Variants in MN1 observed in about 807,000 individuals in gnomAD.
The protein encoded by MN1 is MN1 proto-oncogene, transcriptional regulator.
Under a neutral mutation model 86.9 loss-of-function variants are expected in MN1, and 19 were observed. That is an observed-to-expected ratio of 0.22 (90% CI 0.15 to 0.32). The LOEUF (loss-of-function observed/expected upper bound fraction) is 0.32. Ranked by LOEUF, MN1 falls within the 10% of genes least tolerant of loss-of-function variation. The pLI is 1.00. For synonymous variants in MN1, 928 were observed against 849.6 expected, an observed-to-expected ratio of 1.09 and a Z score of -1.60; for missense variants, 1,841 against 1,862.0, an observed-to-expected ratio of 0.99 and a Z score of 0.21.
chr22:27,757,477 T>C (rs927766576), intron 1 of MN1, among the ~76,000 whole-genome samples: 7 of 152,192 alleles, frequency 4.6e-5, no homozygotes, highest in African/African-American at 1.7e-4. Flanking sequence ...AGGCAGAGCT[T>C]GAGAATGAGA....
At position 27,748,545 on chromosome 22, in the gene MN1, C is replaced by T. The variant is rs1007848560; in HGVS notation, c.*2370G>A. On this transcript the variant is annotated 3_prime_UTR_variant, in exon 2 of 2. Coordinates refer to ENST00000302326, the MANE Select transcript of MN1 (RefSeq NM_002430.3). ...TATTTTACATGTGCAATAACATTTT[C>T]GTTTTCTTTCCCAAAGAGTTTGCTA... The T allele has an allele frequency of 7.4e-5, 15 of 204,034 alleles. No individual in the cohort carries two copies. Among genetic ancestry groups the T allele is most frequent in the East Asian group, 2.3e-4 (3 of 13,296 alleles). 12.6% of individuals were successfully genotyped at this position (204,034 alleles called of 1,614,324 possible). A position where few individuals can be genotyped will look rare whatever the true frequency, so the allele number is the denominator to read the frequency against.
chr22:27,761,398 T>C (rs1161856379), intron 1 of MN1, among the ~76,000 whole-genome samples: 2 of 147,348 alleles, frequency 1.4e-5, no homozygotes, highest in Admixed American at 6.8e-5. Flanking sequence ...CTCTCTCTCT[T>C]TCTCTCTCTC....
Position 27,799,059 on chromosome 22 carries a change from G to T in MN1, c.1485C>A (p.Pro495=), listed in dbSNP as rs1447245018. Reference sequence around the variant, plus strand: ...CGGGCACAGGCGGTGTGAACTCGCCGGGTAGGCCTGGGTAGGCGGAAGGGG... The same window carrying T: ...CGGGCACAGGCGGTGTGAACTCGCCTGGTAGGCCTGGGTAGGCGGAAGGGG... ...HLSPSAYPGL[P]GEFTPPVPDS... is the part of the protein sequence containing the mutation. The change falls in exon 1 of 2, where the codon CCC becomes CCA. Residue 495 remains proline, a synonymous_variant. Transcript: ENST00000302326. 1.1e-5 allele frequency: 17 copies of T among 1,609,576 alleles called. No individual in the cohort carries two copies. Among genetic ancestry groups the T allele is most frequent in the Non-Finnish European group, 1.4e-5 (17 of 1,177,378 alleles).
At chr22:27,782,330 C>T (rs1183589491) in intron 1 of MN1, among the ~76,000 whole-genome samples, 2 of 152,204 alleles carry the variant, frequency 1.3e-5, no homozygotes, top group Non-Finnish European at 2.9e-5. Context: ...CCCGGCCCCG[C>T]CCTATGACAT....
In MN1 at chr22:27,798,945, TTGC is replaced by T. The variant is rs34890218; in HGVS notation, c.1596_1598del (p.Gln550del). On this transcript the variant is annotated inframe_deletion, in exon 1 of 2. Transcript: ENST00000302326. ...GCTGTTGCTGCTGCTGCTGCTGCTG[TTGC>T]TGCTGCTGCTGCTGCTGCTGCTGCT... 4,521 of 1,434,740 alleles carry T rather than the reference TTGC, an allele frequency of 3.2e-3. 30 individuals are homozygous for T. The African/African-American group carries it at 0.036, about 12-fold the overall frequency. 88.9% of individuals were successfully genotyped at this position (1,434,740 alleles called of 1,614,324 possible).
chr22:27,780,936 T>C (rs928097917), intron 1 of MN1, among the ~76,000 whole-genome samples: 15 of 151,470 alleles, frequency 9.9e-5, no homozygotes, highest in African/African-American at 3.6e-4. Flanking sequence ...TTTTGAGTAT[T>C]TTTTTTTTCT....
At chr22:27,781,233 G>C (rs1319460999) in intron 1 of MN1, among the ~76,000 whole-genome samples, 1 of 152,142 alleles carries the variant, frequency 6.6e-6, no homozygotes, top group Non-Finnish European at 1.5e-5. Context: ...GCCCAGCCCT[G>C]AGTATTATTT....
intron 1 of MN1, among the ~76,000 whole-genome samples, chr22:27,771,724 A>C (rs1376250047): frequency 1.3e-5 from 2 of 152,224 alleles, no homozygotes; most frequent in Non-Finnish European, 2.9e-5. Flanking sequence ...ACTTTATGGC[A>C]TGCAGAATCC....
Position 27,800,282 on chromosome 22 carries a change from C to T in MN1, c.262G>A (p.Val88Met), listed in dbSNP as rs1362464693. 4 of 1,580,656 alleles carry T rather than the reference C, an allele frequency of 2.5e-6. No individual in the cohort carries two copies. The highest frequency in any genetic ancestry group is 3.4e-6 in the Non-Finnish European group (4 of 1,163,800). Residue 88 changes from valine (V) to methionine (M), a missense_variant, in exon 1 of 2, where the codon GTG (valine) becomes ATG (methionine). Transcript: ENST00000302326. ...LHAGGLQAQP[V>M]HGFFGGQQPH... is the part of the protein sequence containing the mutation. ...TGCTGGCCGCCAAAGAAGCCGTGCACAGGCTGCGCTTGCAGCCCCCCTGCG... is the reference window on the plus strand; with the variant it reads ...TGCTGGCCGCCAAAGAAGCCGTGCATAGGCTGCGCTTGCAGCCCCCCTGCG...
Position 27,762,756 on chromosome 22 carries a change from G to A in MN1, c.3782-11660C>T, listed in dbSNP as rs191225664. 2.7e-3 allele frequency among the ~76,000 whole-genome samples: 405 copies of A among 151,984 alleles called. 1 individual carries two copies. Among genetic ancestry groups the A allele is most frequent in the African/African-American group, 9.2e-3 (383 of 41,438 alleles). ...CTCCTAGCACTCTGCCTGGCAAGTGGTAAGTCATTCAACAAATAATGATTT... is the reference window on the plus strand; with the variant it reads ...CTCCTAGCACTCTGCCTGGCAAGTGATAAGTCATTCAACAAATAATGATTT... On this transcript the variant is annotated intron_variant, in intron 1 of 1. Coordinates refer to ENST00000302326, the MANE Select transcript of MN1 (RefSeq NM_002430.3).
At chr22:27,769,495 T>C (rs1932896423) in intron 1 of MN1, among the ~76,000 whole-genome samples, 1 of 150,660 alleles carries the variant, frequency 6.6e-6, no homozygotes, top group Non-Finnish European at 1.5e-5. Context: ...GGAAATGCAG[T>C]GACTGAGGAT....
At chr22:27,790,789 C>T (rs1018904105) in intron 1 of MN1, among the ~76,000 whole-genome samples, 8 of 152,140 alleles carry the variant, frequency 5.3e-5, no homozygotes, top group African/African-American at 1.2e-4. Context: ...CCTCCACGTA[C>T]GCTCACGCAC....
chr22:27,764,852 G>A (rs1276706564), intron 1 of MN1, among the ~76,000 whole-genome samples: 3 of 152,190 alleles, frequency 2.0e-5, no homozygotes, highest in African/African-American at 7.2e-5. Flanking sequence ...CTCAGATAAA[G>A]ACGCTGCTAG....
chr22:27,790,599 C>T (rs1019160804), intron 1 of MN1, among the ~76,000 whole-genome samples: 4 of 151,168 alleles, frequency 2.6e-5, no homozygotes, highest in South Asian at 2.1e-4. Context: ...GTCTCCGCCA[C>T]GTCGTTGGTA....
At position 27,749,870 on chromosome 22, in the gene MN1, A is replaced by T. The variant is rs763985497; in HGVS notation, c.*1045T>A. ...TGGGAGAGGTGGAGGAGATACACGC[A>T]GTCCCCTCCTTCTTCCCTGGGATGC... On this transcript the variant is annotated 3_prime_UTR_variant, in exon 2 of 2. Coordinates refer to ENST00000302326, the MANE Select transcript of MN1 (RefSeq NM_002430.3). The T allele has an allele frequency of 1.3e-5, 3 of 230,348 alleles. No individual in the cohort carries two copies. The highest frequency in any genetic ancestry group is 8.6e-6 in the Non-Finnish European group (1 of 116,370). 14.3% of individuals were successfully genotyped at this position (230,348 alleles called of 1,614,324 possible).
In MN1 at chr22:27,798,209, C is replaced by G. The variant is rs1057018621; in HGVS notation, c.2335G>C (p.Gly779Arg). 2.0e-6 allele frequency: 3 copies of G among 1,530,790 alleles called. No individual in the cohort carries two copies. In the South Asian group the frequency reaches 3.7e-5, roughly 19 times the overall value. The allele number at this position is 1,530,790 out of a possible 1,614,324, so 94.8% of individuals were successfully genotyped here. Reference sequence around the variant, plus strand: ...GGCGGGTAGGCACCCCCGCCACCGCCGCCACCAGAGCTGCCACCGCCCCCT... The same window carrying G: ...GGCGGGTAGGCACCCCCGCCACCGCGGCCACCAGAGCTGCCACCGCCCCCT... Reference protein sequence around the residue: ...AGGGGGSSGGGGGGGAYPPQP... With the variant: ...AGGGGGSSGGRGGGGAYPPQP... The change falls in exon 1 of 2, where the codon GGC (glycine) becomes CGC (arginine). Residue 779 changes from glycine (G) to arginine (R), a missense_variant. Physicochemically the swap from Gly to Arg is moderately radical, Grantham distance 125. Transcript: ENST00000302326.
intron 1 of MN1, among the ~76,000 whole-genome samples, chr22:27,757,944 G>C (rs1601323213): frequency 1.3e-5 from 2 of 151,976 alleles, no homozygotes; most frequent in African/African-American, 4.8e-5. Flanking sequence ...GAGGGAAGAG[G>C]CTGCCTCCAA....
In MN1 at chr22:27,800,739, A is replaced by T; in HGVS notation, c.-196T>A. 1.5e-6 allele frequency: 1 copy of T among 653,014 alleles called. No homozygotes were observed. Among genetic ancestry groups the T allele is most frequent in the South Asian group, 1.9e-5 (1 of 51,802 alleles). 40.5% of individuals were successfully genotyped at this position (653,014 alleles called of 1,614,324 possible). A position where few individuals can be genotyped will look rare whatever the true frequency, so the allele number is the denominator to read the frequency against. ...TATTAGCTCCTCTCCTGAAGCTCCG[A>T]TTCTGCCCGGGGAGGGCCTCTCACA... On this transcript the variant is annotated 5_prime_UTR_variant, in exon 1 of 2. Transcript: ENST00000302326.
chr22:27,761,716 G>A (rs1932836210), intron 1 of MN1, among the ~76,000 whole-genome samples: 1 of 152,220 alleles, frequency 6.6e-6, no homozygotes, highest in African/African-American at 2.4e-5. Flanking sequence ...GGGTCTGCAA[G>A]GCCCCCCCGT....
Sources: gnomAD v4.1 joint callset for allele counts (sites outside exome capture counted in the v4.1 genomes callset) on GRCh38, gnomAD v4.1.1 for gene constraint, MANE v1.5 for transcripts, NCBI Gene and HGNC (gene_info 2026-07-23, HGNC 2026-07-21) for gene names.